The following RYR2 variants were observed in gnomAD, a reference collection of about 807,000 sequenced individuals.
The protein encoded by RYR2 is ryanodine receptor 2.
RYR2 carries 227 observed loss-of-function variants against 601.1 expected under a neutral mutation model. The ratio of observed to expected loss-of-function variants is 0.38; its 90% CI spans 0.34 to 0.42. RYR2 has a LOEUF of 0.42. Ranked by LOEUF, RYR2 falls within the 10% of genes least tolerant of loss-of-function variation. RYR2 has a pLI of 1.00. For synonymous variants in RYR2, 2,223 were observed against 2,175.1 expected, an observed-to-expected ratio of 1.02 and a Z score of -0.61; for missense variants, 4,646 against 6,156.5, an observed-to-expected ratio of 0.75 and a Z score of 8.21.
intron 1 of RYR2, among the ~76,000 whole-genome samples, chr1:237,209,197 TAGAA>T (rs997842651): frequency 2.6e-5 from 4 of 151,076 alleles, no homozygotes; most frequent in African/African-American, 7.3e-5. Flanking sequence ...AAAAATATTT[TAGAA>T]AGAGTTTATG....
In RYR2 at chr1:237,730,251, A is replaced by G; in HGVS notation, c.10839-9A>G. 4 of 1,549,426 alleles carry G rather than the reference A, an allele frequency of 2.6e-6. No individual in the cohort carries two copies. Among genetic ancestry groups the G allele is most frequent in the Non-Finnish European group, 3.6e-6 (4 of 1,121,384 alleles). On this transcript the variant is annotated splice_polypyrimidine_tract_variant and intron_variant, in intron 76 of 104. Transcript: ENST00000366574. The stretch of plus-strand genomic sequence containing the variant: ...ACACCCTTTTTCTGAAATTGTGCTT[A>G]CCTTTCAGGCATCGGGCTGTCAATC...
intron 1 of RYR2, among the ~76,000 whole-genome samples, chr1:237,056,532 G>C (rs1430481320): frequency 7.0e-6 from 1 of 143,434 alleles, no homozygotes; most frequent in Non-Finnish European, 1.5e-5. Flanking sequence ...CTGGAGCACT[G>C]CGTCTGTGAG....
chr1:237,808,552 C>T lies in RYR2; in HGVS notation c.14299-349C>T, dbSNP rs370558842. ...GCGCATGCCTATAATCCCCACTACT[C>T]GGGAGGCTGAGGCAGGAGAATCGCT... is the stretch of plus-strand genomic sequence containing the variant. On this transcript the variant is annotated intron_variant, in intron 99 of 104. Transcript: ENST00000366574. Among the ~76,000 whole-genome samples the T allele has an allele frequency of 3.6e-4, 54 of 151,332 alleles. 1 individual carries two copies. In the South Asian group the frequency reaches 0.01, roughly 28 times the overall value.
rs766592875 is a variant in RYR2 at position 237,643,407 on chromosome 1, C to T, written c.7302C>T (p.Gly2434=). ...RSLIPLGDLV[G]VISIAFQMPT... ...TCATTCCCCTGGGAGATTTGGTGGG[C>T]GTTATCAGCATCGCTTTTCAGATGC... The change falls in exon 48 of 105, where the codon GGC becomes GGT. Residue 2434 remains glycine, a synonymous_variant. Transcript: ENST00000366574. 5 of 1,613,692 alleles carry T rather than the reference C, an allele frequency of 3.1e-6. No individual in the cohort carries two copies. Among genetic ancestry groups the T allele is most frequent in the South Asian group, 1.1e-5 (1 of 91,078 alleles).
At chr1:237,427,207 A>C (rs950935147) in intron 12 of RYR2, among the ~76,000 whole-genome samples, 2 of 152,322 alleles carry the variant, frequency 1.3e-5, no homozygotes, top group Non-Finnish European at 2.9e-5. Context: ...AGTCAGAGAC[A>C]TAAACACAGA....
Position 237,792,382 on chromosome 1 carries a change from CGTGTGTGTGTGTGTGCGTGTGTGTGT to C in RYR2, c.13782+75_13782+100del, listed in dbSNP as rs1558425798. 31,097 of 665,176 alleles carry C rather than the reference CGTGTGTGTGTGTGTGCGTGTGTGTGT, an allele frequency of 0.047. 508 individuals are homozygous for C. The highest frequency in any genetic ancestry group is 0.058 in the Non-Finnish European group (25,549 of 442,364). 41.2% of individuals were successfully genotyped at this position (665,176 alleles called of 1,614,324 possible). ...GTGTGTGTGTGTGTGTGTGTGTGTG[CGTGTGTGTGTGTGTGCGTGTGTGTGT>C]GTGTGTGTGTGTGTGTTTTGCAGGC... On this transcript the variant is annotated intron_variant, in intron 94 of 104. Transcript: ENST00000366574.
At chr1:237,795,660 T>G (rs143269641) in intron 96 of RYR2, among the ~76,000 whole-genome samples, 2,699 of 151,604 alleles carry the variant, frequency 0.018, 87 homozygotes, top group African/African-American at 0.062. Flanking sequence ...CATGTTGGCC[T>G]GGCTGGTCTC....
At chr1:237,341,522 G>A (rs1472945355) in intron 3 of RYR2, 5 of 389,462 alleles carry the variant, frequency 1.3e-5, no homozygotes, top group South Asian at 5.6e-5. Context: ...CTATGTATTC[G>A]CGGTCTGTTT....
At chr1:237,138,256 C>G (rs1194966563) in intron 1 of RYR2, among the ~76,000 whole-genome samples, 1 of 152,166 alleles carries the variant, frequency 6.6e-6, no homozygotes, top group Admixed American at 6.6e-5. Context: ...TGGTCTTGAA[C>G]TCCTGAGCTC....
chr1:237,492,977 C>T lies in RYR2; in HGVS notation c.1851C>T (p.Leu617=). 1 of 1,600,612 alleles carries T rather than the reference C, an allele frequency of 6.2e-7. No individual in the cohort carries two copies. Among genetic ancestry groups the T allele is most frequent in the South Asian group, 1.1e-5 (1 of 89,030 alleles). ...AGGTTCTGGATGTCTTGTGCTCACT[C>T]TGTGTTTGCCACGGGGTTGCAGTCC... is the stretch of plus-strand genomic sequence containing the variant. ...NHKVLDVLCS[L]CVCHGVAVRS... The change falls in exon 19 of 105, where the codon CTC becomes CTT. Residue 617 remains leucine, a synonymous_variant. Transcript: ENST00000366574.
intron 1 of RYR2, among the ~76,000 whole-genome samples, chr1:237,192,482 C>G (rs1234166102): frequency 6.6e-6 from 1 of 152,142 alleles, no homozygotes; most frequent in Non-Finnish European, 1.5e-5. Flanking sequence ...CCCGAAGTGC[C>G]GGGATTACAG....
rs1425867563 is a variant in RYR2 at position 237,617,403 on chromosome 1, A to G, written c.5833A>G (p.Asn1945Asp). 6.2e-7 allele frequency: 1 copy of G among 1,613,900 alleles called. No individual in the cohort carries two copies. The highest frequency in any genetic ancestry group is 8.5e-7 in the Non-Finnish European group (1 of 1,179,890). ...CCAAGACAATCAACGTTTCCGATAC[A>G]ACGAAGTCATGCAAGCCTTAAACAT... ...KLQDNQRFRY[N>D]EVMQALNMSA... Residue 1945 changes from asparagine (N) to aspartate (D), a missense_variant, in exon 38 of 105, where the codon AAC becomes GAC. This residue lies in a region of RYR2 where 1,807 missense variants were observed against 2,088.1 expected (regional missense o/e 0.87). Transcript: ENST00000366574.
rs1252872635 is a variant in RYR2 at position 237,501,625 on chromosome 1, G to A, written c.2396+722G>A. Among the ~76,000 whole-genome samples the A allele has an allele frequency of 2.0e-5, 3 of 152,180 alleles. No homozygotes were observed. In the East Asian group the frequency reaches 5.8e-4, roughly 29 times the overall value. On this transcript the variant is annotated intron_variant, in intron 21 of 104. Transcript: ENST00000366574. The stretch of plus-strand genomic sequence containing the variant: ...TCCATTTGTTTCAGTTATTCTTTTA[G>A]TTATAATTCTCCCAGGAATAATTCC...
At chr1:237,185,206 C>T (rs1300007715) in intron 1 of RYR2, among the ~76,000 whole-genome samples, 1 of 151,964 alleles carries the variant, frequency 6.6e-6, no homozygotes, top group Admixed American at 6.6e-5. Flanking sequence ...CACTATGTTG[C>T]CCAGGCTGGT....
intron 96 of RYR2, among the ~76,000 whole-genome samples, chr1:237,796,666 T>G (rs372041067): frequency 2.0e-5 from 3 of 152,142 alleles, no homozygotes; most frequent in Non-Finnish European, 4.4e-5. Context: ...TTCACTTCAA[T>G]CTTGTATTTT....
At chr1:237,146,189 T>TA (rs1320110943) in intron 1 of RYR2, among the ~76,000 whole-genome samples, 1 of 152,228 alleles carries the variant, frequency 6.6e-6, no homozygotes, top group Non-Finnish European at 1.5e-5. Context: ...GGGGAGGTTT[T>TA]ATCAGATGGT....
At chr1:237,187,692 C>A (rs999759594) in intron 1 of RYR2, among the ~76,000 whole-genome samples, 2 of 152,046 alleles carry the variant, frequency 1.3e-5, no homozygotes, top group Non-Finnish European at 2.9e-5. Flanking sequence ...AATCCTCCCA[C>A]CTCAGCCTCC....
intron 2 of RYR2, among the ~76,000 whole-genome samples, chr1:237,284,486 AATATATAAAAT>A (rs902485828): frequency 2.2e-4 from 21 of 96,968 alleles, no homozygotes; most frequent in Non-Finnish European, 2.9e-4. Flanking sequence ...ACATATATAT[AATATATAAAAT>A]ATATATAAAA....
At chr1:237,543,205 A>C (rs1432830899) in intron 25 of RYR2, among the ~76,000 whole-genome samples, 2 of 152,098 alleles carry the variant, frequency 1.3e-5, no homozygotes, top group Admixed American at 6.5e-5. Context: ...TCTTGAGAGC[A>C]GTGGATACTT....
Sources: gnomAD v4.1 joint callset for allele counts (sites outside exome capture counted in the v4.1 genomes callset) on GRCh38, gnomAD v4.1.1 for gene constraint, gnomAD v4.1.1 regional missense constraint, MANE v1.5 for transcripts, NCBI Gene and HGNC (gene_info 2026-07-23, HGNC 2026-07-21) for gene names.